The following IMPG1 variants were observed in gnomAD, a reference collection of about 807,000 sequenced individuals.
IMPG1 encodes interphotoreceptor matrix proteoglycan of 150 kDa.
Under a neutral mutation model 92.0 loss-of-function variants are expected in IMPG1, and 85 were observed. The observed-to-expected ratio is 0.92, with a 90% CI of 0.78 to 1.11. The LOEUF is 1.11. IMPG1 is among the 50% of genes least tolerant of loss of function. The pLI is 0.00. For synonymous variants in IMPG1, 367 were observed against 334.1 expected (o/e 1.10, Z -1.08); for missense variants, 1,022 against 956.0 (o/e 1.07, Z -0.91).
chr6:75,932,567 A>C (rs73464848), intron 14 of IMPG1, among the ~76,000 whole-genome samples: 353 of 152,308 alleles, frequency 2.3e-3, no homozygotes, highest in African/African-American at 7.8e-3. Flanking sequence ...TAGATGAATG[A>C]AAGTTTAACT....
chr6:75,979,163 C>A (rs1202078946), intron 12 of IMPG1, among the ~76,000 whole-genome samples: 2 of 152,104 alleles, frequency 1.3e-5, no homozygotes, highest in Admixed American at 1.3e-4. Flanking sequence ...GGAATCTGCC[C>A]ACTTCAGCCT....
chr6:75,974,393 T>TTCTTTCCTTCCTTCCTTCCTTGCTTGC (rs1313714060), intron 12 of IMPG1, among the ~76,000 whole-genome samples: 14 of 65,018 alleles, frequency 2.2e-4, no homozygotes, highest in African/African-American at 8.2e-4. Context: ...CTTTCTTTCT[T>TTCTTTCCTTCCTTCCTTCCTTGCTTGC]TTCTTTCTTT....
chr6:76,034,697 TG>T lies in IMPG1; in HGVS notation c.391del (p.Gln131SerfsTer28). The T allele has an allele frequency of 6.2e-7, 1 of 1,614,152 alleles. No homozygotes were observed. The highest frequency in any genetic ancestry group is 8.5e-7 in the Non-Finnish European group (1 of 1,179,996). ...GEYQDWVSIC[Q>X]QETFCLFDIG... ...GTCAAAGAGGCAGAAGGTCTCCTGC[TG>T]GCAGATGCTGACCCAGTCCTGATAT... On this transcript the variant is annotated frameshift_variant, in exon 3 of 17. Transcript: ENST00000369950. LOFTEE classifies it high-confidence loss of function.
chr6:75,993,797 TA>T (rs1369299848), intron 12 of IMPG1, among the ~76,000 whole-genome samples: 1 of 152,206 alleles, frequency 6.6e-6, no homozygotes, highest in East Asian at 1.9e-4. Context: ...GAAAAGCATT[TA>T]AAAGTTTATT....
intron 4 of IMPG1, among the ~76,000 whole-genome samples, chr6:76,027,892 G>T (rs929177931): frequency 2.0e-5 from 3 of 152,112 alleles, no homozygotes; most frequent in Admixed American, 6.5e-5. Flanking sequence ...TATTTAAAAG[G>T]CTTCTCAAAA....
In IMPG1 at chr6:75,930,903, A is replaced by C. The variant is rs1266944417; in HGVS notation, c.2243+50T>G. The C allele has an allele frequency of 4.1e-6, 6 of 1,480,646 alleles. No homozygotes were observed. In the African/African-American group the frequency reaches 6.9e-5, roughly 17 times the overall value. The allele number at this position is 1,480,646 out of a possible 1,614,324, so 91.7% of individuals were successfully genotyped here. A position where few individuals can be genotyped will look rare whatever the true frequency, so the allele number is the denominator to read the frequency against. On this transcript the variant is annotated intron_variant, in intron 15 of 16. Transcript: ENST00000369950. ...TTACTCTAATGATGGGTTTCTCAGA[A>C]GTGTAAGTAATGAGTTCTTGAGTCT...
At position 76,072,644 on chromosome 6, in the gene IMPG1, A is replaced by C. The variant is rs1007810090; in HGVS notation, c.-156T>G. 7.4e-6 allele frequency: 4 copies of C among 538,362 alleles called. No homozygotes were observed. Among genetic ancestry groups the C allele is most frequent in the Non-Finnish European group, 1.3e-5 (4 of 306,350 alleles). The allele number at this position is 538,362 out of a possible 1,614,324, so 33.3% of individuals were successfully genotyped here. On this transcript the variant is annotated 5_prime_UTR_variant, in exon 1 of 17. Coordinates refer to ENST00000369950, the MANE Select transcript of IMPG1 (RefSeq NM_001563.4). ...CCTTTATGAGGGTGTTAATTTATGA[A>C]GAACATGTAGCAGTGTCTGTTTCTG...
chr6:76,014,418 A>T (rs956204362), intron 7 of IMPG1, among the ~76,000 whole-genome samples: 1 of 152,090 alleles, frequency 6.6e-6, no homozygotes, highest in African/African-American at 2.4e-5. Flanking sequence ...CTGTGTCTCC[A>T]CCCACACCCT....
chr6:75,930,997 G>A lies in IMPG1; in HGVS notation c.2199C>T (p.Gly733=). The change falls in exon 15 of 17, where the codon GGC becomes GGT. Residue 733 remains glycine, a synonymous_variant. Coordinates refer to ENST00000369950, the MANE Select transcript of IMPG1 (RefSeq NM_001563.4). The part of the protein sequence containing the change: ...DGLEPGLCGP[G]TKECEVLQGK... ...CCTGGAGGACCTCGCATTCCTTTGT[G>A]CCAGGGCCACAGAGGCCTGGTTCCA... 1 of 1,614,216 alleles carries A rather than the reference G, an allele frequency of 6.2e-7. No individual in the cohort carries two copies.
intron 12 of IMPG1, among the ~76,000 whole-genome samples, chr6:75,960,631 C>T (rs1188311418): frequency 6.6e-6 from 1 of 152,064 alleles, no homozygotes; most frequent in Admixed American, 6.6e-5. Context: ...ATAGTCAATT[C>T]CTTTGGAAAA....
chr6:75,938,479 C>G (rs1203115619), intron 14 of IMPG1, among the ~76,000 whole-genome samples: 1 of 152,182 alleles, frequency 6.6e-6, no homozygotes, highest in Non-Finnish European at 1.5e-5. Flanking sequence ...ATTATCTGGG[C>G]ATTGCCTGTA....
chr6:75,950,983 A>C lies in IMPG1; in HGVS notation c.1403T>G (p.Met468Arg). The C allele has an allele frequency of 6.2e-7, 1 of 1,613,936 alleles. No individual in the cohort carries two copies. The highest frequency in any genetic ancestry group is 8.5e-7 in the Non-Finnish European group (1 of 1,179,914). The change falls in exon 13 of 17, where the codon ATG (methionine) becomes AGG (arginine). Residue 468 changes from methionine (M) to arginine (R), a missense_variant. Met to Arg is a moderately conservative substitution (Grantham distance 91). Around this residue, in one of 3 missense-constraint regions of IMPG1, gnomAD observed 681 missense variants for 583.6 expected, o/e 1.17. Coordinates refer to ENST00000369950, the MANE Select transcript of IMPG1 (RefSeq NM_001563.4). The part of the protein sequence containing the change: ...SLTDQGTTDT[M>R]ATDQTMLVPG... ...TACTAGCATTGTCTGGTCAGTGGCC[A>C]TTGTATCTGTGGTGCCTTGATCAGT...
chr6:76,012,949 A>C, intron 7 of IMPG1, among the ~76,000 whole-genome samples: 1 of 149,840 alleles, frequency 6.7e-6, no homozygotes. Flanking sequence ...CCCACCCCCC[A>C]CATGCAGCCA....
chr6:75,951,415 G>A lies in IMPG1; in HGVS notation c.1292-321C>T, dbSNP rs569328448. Among the ~76,000 whole-genome samples, 13 of 152,068 alleles carry A rather than the reference G, an allele frequency of 8.5e-5. No individual in the cohort carries two copies. The South Asian group carries it at 2.3e-3, about 27-fold the overall frequency. ...TGCCTAGTCAGACACGATACACTTGGGAACCAAGTAGTACAAACTGACTAA... is the reference window on the plus strand; with the variant it reads ...TGCCTAGTCAGACACGATACACTTGAGAACCAAGTAGTACAAACTGACTAA... On this transcript the variant is annotated intron_variant, in intron 12 of 16. Transcript: ENST00000369950.
At chr6:76,017,921 T>A (rs1783320767) in intron 7 of IMPG1, among the ~76,000 whole-genome samples, 1 of 151,912 alleles carries the variant, frequency 6.6e-6, no homozygotes, top group Non-Finnish European at 1.5e-5. Context: ...CCCAGCTAAT[T>A]TTTGTATTTT....
At chr6:75,995,820 G>A (rs2149474651) in intron 12 of IMPG1, among the ~76,000 whole-genome samples, 1 of 152,246 alleles carries the variant, frequency 6.6e-6, no homozygotes, top group East Asian at 1.9e-4. Flanking sequence ...CTTCTCCATT[G>A]CCTTACTGAA....
At chr6:75,992,722 T>C (rs1429977795) in intron 12 of IMPG1, among the ~76,000 whole-genome samples, 2 of 152,174 alleles carry the variant, frequency 1.3e-5, no homozygotes, top group African/African-American at 4.8e-5. Context: ...CTGCTTGATA[T>C]ATATCCTTCC....
intron 12 of IMPG1, among the ~76,000 whole-genome samples, chr6:75,966,753 T>C (rs1240727203): frequency 6.6e-6 from 1 of 151,908 alleles, no homozygotes; most frequent in Non-Finnish European, 1.5e-5. Flanking sequence ...GAGGACAGGA[T>C]AAAATGTAGA....
intron 7 of IMPG1, among the ~76,000 whole-genome samples, chr6:76,015,821 A>G (rs1450182708): frequency 2.3e-3 from 342 of 150,456 alleles, no homozygotes; most frequent in Non-Finnish European, 3.9e-3. Context: ...AAAAAAAAAA[A>G]AAAGAAAGAA....
Sources: gnomAD v4.1 joint callset for allele counts (sites outside exome capture counted in the v4.1 genomes callset) on GRCh38, gnomAD v4.1.1 for gene constraint, gnomAD v4.1.1 regional missense constraint, MANE v1.5 for transcripts, NCBI Gene and HGNC (gene_info 2026-07-23, HGNC 2026-07-21) for gene names.